LINGO2: variants seen among roughly 807,000 people sequenced by gnomAD.
LINGO2 encodes leucine rich repeat and Ig domain containing 2, also known as leucine-rich repeat and immunoglobulin-like domain-containing nogo receptor-interacting protein 2.
Under a neutral mutation model 30.6 loss-of-function variants are expected in LINGO2, and 14 were observed. The observed-to-expected ratio is 0.46, with a 90% confidence interval of 0.30 to 0.72. The LOEUF is 0.72. LINGO2 is among the 30% of genes least tolerant of loss of function. The pLI, the probability that LINGO2 is intolerant of heterozygous loss-of-function variation, is 0.07. For synonymous variants in LINGO2, 317 were observed against 288.5 expected, an observed-to-expected ratio of 1.10 and a Z score of -1.00; for missense variants, 729 against 751.7, an observed-to-expected ratio of 0.97 and a Z score of 0.35.
intron 4 of LINGO2, among the ~76,000 whole-genome samples, chr9:28,193,858 G>A (rs1819911553): frequency 6.6e-6 from 1 of 152,200 alleles, no homozygotes; most frequent in Admixed American, 6.5e-5. Flanking sequence ...CTCTCTCTAT[G>A]TAGTCTTAGA....
chr9:28,646,555 T>C (rs1175207482), intron 1 of LINGO2, among the ~76,000 whole-genome samples: 1 of 152,052 alleles, frequency 6.6e-6, no homozygotes, highest in African/African-American at 2.4e-5. Flanking sequence ...TAACATGATA[T>C]GAACCAACAA....
the LINGO2 span, among the ~76,000 whole-genome samples, chr9:29,037,000 T>A: frequency 6.6e-6 from 1 of 152,104 alleles, no homozygotes; most frequent in Admixed American, 6.6e-5. Context: ...ATGGCTATTT[T>A]TGAAATCTAT....
the LINGO2 span, among the ~76,000 whole-genome samples, chr9:29,077,221 G>T: frequency 6.6e-6 from 1 of 151,784 alleles, no homozygotes; most frequent in African/African-American, 2.4e-5. Flanking sequence ...AGGTTTCTTA[G>T]ATAATAAATT....
chr9:28,912,493 A>G, the LINGO2 span, among the ~76,000 whole-genome samples: 4 of 152,136 alleles, frequency 2.6e-5, no homozygotes. Flanking sequence ...ATAGAATAAT[A>G]AATTATTGTT....
the LINGO2 span, among the ~76,000 whole-genome samples, chr9:28,754,565 T>C: frequency 6.6e-6 from 1 of 152,016 alleles, no homozygotes; most frequent in Admixed American, 6.5e-5. Context: ...CATTGCAAAG[T>C]TTGGAAAACA....
chr9:28,760,911 C>T, the LINGO2 span, among the ~76,000 whole-genome samples: 1,219 of 57,002 alleles, frequency 0.021, 26 homozygotes, highest in African/African-American at 0.06. Flanking sequence ...TATGTATATA[C>T]GTACGTGTGT....
At chr9:28,860,266 A>G in the LINGO2 span, among the ~76,000 whole-genome samples, 1 of 152,198 alleles carries the variant, frequency 6.6e-6, no homozygotes, top group African/African-American at 2.4e-5. Flanking sequence ...ACATTATGCT[A>G]GATATTTTTG....
At chr9:28,609,545 C>CA (rs1825828130) in intron 1 of LINGO2, among the ~76,000 whole-genome samples, 1 of 151,752 alleles carries the variant, frequency 6.6e-6, no homozygotes, top group African/African-American at 2.4e-5. Context: ...AAAAAAATAA[C>CA]AAAATGCAAT....
At chr9:28,619,200 A>T (rs1826281673) in intron 1 of LINGO2, among the ~76,000 whole-genome samples, 1 of 152,154 alleles carries the variant, frequency 6.6e-6, no homozygotes, top group Admixed American at 6.6e-5. Context: ...ATTTTAAGCT[A>T]ACCTGAATCA....
chr9:28,883,999 A>G, the LINGO2 span, among the ~76,000 whole-genome samples: 1 of 151,808 alleles, frequency 6.6e-6, no homozygotes, highest in Admixed American at 6.6e-5. Flanking sequence ...TATTGTGTTT[A>G]TTATATTAAT....
At chr9:28,001,910 A>G (rs780481765) in intron 5 of LINGO2, among the ~76,000 whole-genome samples, 1 of 152,240 alleles carries the variant, frequency 6.6e-6, no homozygotes, top group Non-Finnish European at 1.5e-5. Context: ...TAATTGATAC[A>G]TTGAAAGTTA....
intron 2 of LINGO2, among the ~76,000 whole-genome samples, chr9:28,402,447 A>C (rs576948602): frequency 1.3e-5 from 2 of 152,262 alleles, no homozygotes; most frequent in Non-Finnish European, 2.9e-5. Flanking sequence ...AGGTGTCAAA[A>C]AACAGCGAAT....
At chr9:29,204,156 T>G in the LINGO2 span, among the ~76,000 whole-genome samples, 1 of 152,124 alleles carries the variant, frequency 6.6e-6, no homozygotes, top group Non-Finnish European at 1.5e-5. Context: ...AAGTATAGCA[T>G]GTACTCCTTC....
At chr9:28,705,923 G>A in the LINGO2 span, among the ~76,000 whole-genome samples, 6 of 149,812 alleles carry the variant, frequency 4.0e-5, no homozygotes, top group African/African-American at 1.5e-4. Flanking sequence ...TCTAAAAAGA[G>A]TGGTTGATTT....
chr9:27,990,341 C>T (rs1821331872), intron 5 of LINGO2, among the ~76,000 whole-genome samples: 1 of 151,892 alleles, frequency 6.6e-6, no homozygotes, highest in South Asian at 2.1e-4. Context: ...ATTATCATCA[C>T]TCTTATTTAA....
chr9:28,182,678 A>G (rs1819396678), intron 4 of LINGO2, among the ~76,000 whole-genome samples: 1 of 152,238 alleles, frequency 6.6e-6, no homozygotes, highest in Non-Finnish European at 1.5e-5. Context: ...AAAAGAAGAC[A>G]TTTACATGGC....
chr9:29,176,826 C>T, the LINGO2 span, among the ~76,000 whole-genome samples: 1 of 152,186 alleles, frequency 6.6e-6, no homozygotes, highest in Admixed American at 6.5e-5. Context: ...GACAGACTGA[C>T]AAGAACCAGC....
chr9:28,472,476 T>C (rs573457166), intron 2 of LINGO2, among the ~76,000 whole-genome samples: 1 of 152,168 alleles, frequency 6.6e-6, no homozygotes, highest in Non-Finnish European at 1.5e-5. Context: ...AAAAAGAAAC[T>C]GTCAGACCGA....
chr9:28,472,586 A>C (rs1825567985), intron 2 of LINGO2, among the ~76,000 whole-genome samples: 1 of 152,176 alleles, frequency 6.6e-6, no homozygotes, highest in Non-Finnish European at 1.5e-5. Context: ...GCAAATATTT[A>C]GATTAAAAAA....
Sources: allele counts gnomAD v4.1 joint callset (sites outside exome capture counted in the v4.1 genomes callset), GRCh38; gene constraint gnomAD v4.1.1; transcripts MANE v1.5; gene names NCBI Gene and HGNC (gene_info 2026-07-23, HGNC 2026-07-21).